Variants in CMYA5 observed in about 807,000 individuals in gnomAD.
The protein encoded by CMYA5 is cardiomyopathy associated 5.
In CMYA5, 246 loss-of-function variants were observed where a neutral mutation model predicts 318.9. That is an observed-to-expected ratio of 0.77 (90% CI 0.70 to 0.86). CMYA5 has a LOEUF of 0.86. Ranked by LOEUF, CMYA5 falls within the 40% of genes least tolerant of loss-of-function variation. The pLI, the probability that CMYA5 is intolerant of heterozygous loss-of-function variation, is 0.00. For synonymous variants in CMYA5, 1,641 were observed against 1,729.5 expected (o/e 0.95, Z 1.27); for missense variants, 4,589 against 4,678.2 (o/e 0.98, Z 0.56).
At position 79,689,852 on chromosome 5, in the gene CMYA5, C is replaced by G; in HGVS notation, c.-56C>G. 1 of 634,892 alleles carries G rather than the reference C, an allele frequency of 1.6e-6. No individual in the cohort carries two copies. Among genetic ancestry groups the G allele is most frequent in the East Asian group, 3.2e-5 (1 of 31,570 alleles). The allele number at this position is 634,892 out of a possible 1,614,324, so 39.3% of individuals were successfully genotyped here. A position where few individuals can be genotyped will look rare whatever the true frequency, so the allele number is the denominator to read the frequency against. Reference sequence around the variant, plus strand: ...GGCCAGAGCAGTCGGAGGGAGAACACCAGGCGCGGCGCGGGCGGCTCCGGC... The same window carrying G: ...GGCCAGAGCAGTCGGAGGGAGAACAGCAGGCGCGGCGCGGGCGGCTCCGGC... On this transcript the variant is annotated 5_prime_UTR_variant, in exon 1 of 13. Coordinates refer to ENST00000446378, the MANE Select transcript of CMYA5 (RefSeq NM_153610.5).
intron 9 of CMYA5, among the ~76,000 whole-genome samples, chr5:79,778,999 G>C (rs1228983934): frequency 1.9e-4 from 18 of 94,268 alleles, no homozygotes; most frequent in Non-Finnish European, 3.1e-4. Flanking sequence ...TGCCATGCTG[G>C]TGCGCTGCAC....
intron 6 of CMYA5, among the ~76,000 whole-genome samples, 174 bp downstream of exon 6, chr5:79,752,968 C>A (rs998326828): frequency 1.3e-5 from 2 of 152,092 alleles, no homozygotes; most frequent in Admixed American, 1.3e-4. Context: ...ATGGGAGGAA[C>A]ATCCCATTTC....
At chr5:79,745,154 CA>C (rs35310955) in intron 3 of CMYA5, 67 bp from the exon 4 acceptor site, 115,622 of 804,892 alleles carry the variant, frequency 0.14, 26 homozygotes, top group East Asian at 0.21. Context: ...CTGGTGTTTC[CA>C]AAAAAAAAAA....
intron 1 of CMYA5, among the ~76,000 whole-genome samples, chr5:79,727,160 C>T (rs912666868): frequency 6.6e-6 from 1 of 152,126 alleles, no homozygotes; most frequent in Non-Finnish European, 1.5e-5. Context: ...AGGTGATCCA[C>T]CCGCCTCGGC....
intron 6 of CMYA5, among the ~76,000 whole-genome samples, chr5:79,754,483 G>A (rs1828490995): frequency 6.6e-6 from 1 of 152,084 alleles, no homozygotes; most frequent in Non-Finnish European, 1.5e-5. Context: ...ACAGAAAAAT[G>A]TTCTATTTTC....
Position 79,736,643 on chromosome 5 carries a change from A to G in CMYA5, c.7878A>G (p.Lys2626=). 1 of 1,613,820 alleles carries G rather than the reference A, an allele frequency of 6.2e-7. No homozygotes were observed. Among genetic ancestry groups the G allele is most frequent in the Non-Finnish European group, 8.5e-7 (1 of 1,179,798 alleles). Residue 2626 remains lysine, a synonymous_variant, in exon 2 of 13, where the codon AAA becomes AAG. Transcript: ENST00000446378. ...GTQPHPLEES[K]VLVEKTKTFL... is the part of the protein sequence containing the mutation. The stretch of plus-strand genomic sequence containing the variant: ...AACCACATCCTTTAGAAGAAAGTAA[A>G]GTTTTGGTGGAGAAAACCAAGACTT...
chr5:79,732,293 A>C lies in CMYA5; in HGVS notation c.3528A>C (p.Ser1176=), dbSNP rs553071547. Residue 1176 remains serine (S), a synonymous_variant, in exon 2 of 13, where the codon TCA becomes TCC. Transcript: ENST00000446378. ...PASPHSVLPD[S]VPAIKKEQEP... ...CTCCACATTCAGTTTTACCTGATTC[A>C]GTCCCTGCAATCAAGAAAGAACAGG... 1 of 1,613,902 alleles carries C rather than the reference A, an allele frequency of 6.2e-7. No individual in the cohort carries two copies. Among genetic ancestry groups the C allele is most frequent in the Non-Finnish European group, 8.5e-7 (1 of 1,179,854 alleles).
chr5:79,744,332 C>T (rs1828276353), intron 3 of CMYA5, among the ~76,000 whole-genome samples: 1 of 152,216 alleles, frequency 6.6e-6, no homozygotes, highest in South Asian at 2.1e-4. Flanking sequence ...TGCTCTGAGT[C>T]ACTGCCCAGT....
Position 79,700,627 on chromosome 5 carries a change from T to A in CMYA5, c.149+10571T>A, listed in dbSNP as rs138396496. On this transcript the variant is annotated intron_variant, in intron 1 of 12. Coordinates refer to ENST00000446378, the MANE Select transcript of CMYA5 (RefSeq NM_153610.5). ...ATGGTCAACATCATTATCCATCAGA[T>A]AAATGTCAAATAAAACCACAACAAA... Among the ~76,000 whole-genome samples, 60 of 152,274 alleles carry A rather than the reference T, an allele frequency of 3.9e-4. No homozygotes were observed. In the East Asian group the frequency reaches 4.6e-3, roughly 12 times the overall value.
rs1050615916 is a variant in CMYA5 at position 79,745,114 on chromosome 5, C to T, written c.10735-108C>T. 14 of 671,230 alleles carry T rather than the reference C, an allele frequency of 2.1e-5. No homozygotes were observed. The African/African-American group carries it at 2.6e-4, about 13-fold the overall frequency. 41.6% of individuals were successfully genotyped at this position (671,230 alleles called of 1,614,324 possible). On this transcript the variant is annotated intron_variant, in intron 3 of 12. Coordinates refer to ENST00000446378, the MANE Select transcript of CMYA5 (RefSeq NM_153610.5). The stretch of plus-strand genomic sequence containing the variant: ...TGCATGTGATGTCTGATTCTCTGAT[C>T]AGGATGCCAGAGGTCAATTCTTTAA...
intron 1 of CMYA5, among the ~76,000 whole-genome samples, chr5:79,709,350 C>T (rs1287157990): frequency 6.6e-6 from 1 of 152,052 alleles, no homozygotes; most frequent in Non-Finnish European, 1.5e-5. Context: ...ATAGAGGAAA[C>T]TTGGAAACAA....
At chr5:79,748,504 T>TCTATCTATCTAC (rs1245028894) in intron 5 of CMYA5, among the ~76,000 whole-genome samples, 1 of 121,010 alleles carries the variant, frequency 8.3e-6, no homozygotes, top group African/African-American at 3.6e-5. Flanking sequence ...TCCCTATCTA[T>TCTATCTATCTAC]CTATCTATCT....
intron 1 of CMYA5, among the ~76,000 whole-genome samples, chr5:79,723,022 A>T (rs1238791557): frequency 2.0e-5 from 3 of 152,232 alleles, no homozygotes; most frequent in African/African-American, 7.2e-5. Flanking sequence ...CAAACACTTA[A>T]GGGAGAAATA....
At chr5:79,695,072 A>G (rs966532369) in intron 1 of CMYA5, among the ~76,000 whole-genome samples, 4 of 152,228 alleles carry the variant, frequency 2.6e-5, no homozygotes, top group African/African-American at 4.8e-5. Flanking sequence ...TGTAGGACAT[A>G]CTGATAAAAT....
chr5:79,777,009 A>G (rs1245098342), intron 9 of CMYA5, among the ~76,000 whole-genome samples: 1 of 152,136 alleles, frequency 6.6e-6, no homozygotes, highest in Non-Finnish European at 1.5e-5. Context: ...AAGCACATAC[A>G]TACTCCTTTC....
intron 1 of CMYA5, among the ~76,000 whole-genome samples, chr5:79,697,081 G>A (rs894717378): frequency 1.8e-4 from 27 of 152,318 alleles, no homozygotes; most frequent in African/African-American, 6.0e-4. Context: ...GGCCTACTGT[G>A]TGCCACGCAA....
At position 79,726,793 on chromosome 5, in the gene CMYA5, C is replaced by T. The variant is rs932745482; in HGVS notation, c.150-2122C>T. ...GCTTAATAAGGGAAGTTGAGTGCAC[C>T]TGCAAGGACTTATGGTCCTGGTCCC... On this transcript the variant is annotated intron_variant, in intron 1 of 12. Transcript: ENST00000446378. Among the ~76,000 whole-genome samples, 3 of 152,082 alleles carry T rather than the reference C, an allele frequency of 2.0e-5. No individual in the cohort carries two copies. In the East Asian group the frequency reaches 5.8e-4, roughly 29 times the overall value.
At position 79,792,231 on chromosome 5, in the gene CMYA5, C is replaced by T. The variant is rs369341127; in HGVS notation, c.11789+1162C>T. Among the ~76,000 whole-genome samples, 9 of 152,220 alleles carry T rather than the reference C, an allele frequency of 5.9e-5. No homozygotes were observed. In the East Asian group the frequency reaches 9.6e-4, roughly 16 times the overall value. On this transcript the variant is annotated intron_variant, in intron 11 of 12. Coordinates refer to ENST00000446378, the MANE Select transcript of CMYA5 (RefSeq NM_153610.5). Reference sequence around the variant, plus strand: ...CCACTTACTCATCATCATCTTCAAGCAGCAGCCCTGTCTTGTGTATCTTTG... The same window carrying T: ...CCACTTACTCATCATCATCTTCAAGTAGCAGCCCTGTCTTGTGTATCTTTG...
intron 1 of CMYA5, among the ~76,000 whole-genome samples, chr5:79,701,239 T>TAAAC (rs564375164): frequency 1.6e-4 from 24 of 151,952 alleles, no homozygotes; most frequent in Non-Finnish European, 2.1e-4. Context: ...CTGTCTCAAA[T>TAAAC]AAACAAACAA....
Sources: gnomAD v4.1 joint callset for allele counts (sites outside exome capture counted in the v4.1 genomes callset) on GRCh38, gnomAD v4.1.1 for gene constraint, MANE v1.5 for transcripts, NCBI Gene and HGNC (gene_info 2026-07-23, HGNC 2026-07-21) for gene names.